The following NFRKB variants were observed in gnomAD, a reference collection of about 807,000 sequenced individuals.
The protein encoded by NFRKB is nuclear factor related to kappa-B-binding protein.
In NFRKB, 62 loss-of-function variants were observed where a neutral mutation model predicts 135.7. That is an observed-to-expected ratio of 0.46 (90% CI 0.37 to 0.56). The LOEUF is 0.56. Ranked by LOEUF, NFRKB falls within the 20% of genes least tolerant of loss-of-function variation. The pLI, the probability that NFRKB is intolerant of heterozygous loss-of-function variation, is 0.00. For missense variants in NFRKB, 1,545 were observed against 1,662.0 expected (o/e 0.93, Z 1.22); for synonymous variants, 678 against 635.6 (o/e 1.07, Z -1.00).
intron 22 of NFRKB, 110 bp from the exon 23 acceptor site, chr11:129,873,206 T>A: frequency 1.1e-6 from 1 of 910,664 alleles, no homozygotes; most frequent in Non-Finnish European, 1.6e-6. Context: ...AAAGAGCTTC[T>A]AATCCCACAG....
chr11:129,873,722 A>G (rs775383270), intron 22 of NFRKB, 23 bp downstream of exon 22: 20 of 1,604,128 alleles, frequency 1.2e-5, no homozygotes, highest in Middle Eastern at 1.7e-4. Flanking sequence ...CTGCTTCCCA[A>G]TGACCACGGC....
chr11:129,869,888 G>C lies in NFRKB; in HGVS notation c.3137C>G (p.Pro1046Arg). The change falls in exon 24 of 27, where the codon CCT (proline) becomes CGT (arginine). Residue 1046 changes from proline (P) to arginine (R), a missense_variant. This residue lies in a region of NFRKB where 753 missense variants were observed against 804.3 expected (regional missense o/e 0.94). Coordinates refer to ENST00000682444, the MANE Select transcript of NFRKB (RefSeq NM_001143835.2). ...PTGTTVVKVT[P>R]DLKPTEASSS... The stretch of plus-strand genomic sequence containing the variant: ...TGAGGCTTCTGTTGGCTTGAGGTCA[G>C]GAGTCACTTTGACCACAGTGGTACC... 1 of 1,614,276 alleles carries C rather than the reference G, an allele frequency of 6.2e-7. No individual in the cohort carries two copies. The highest frequency in any genetic ancestry group is 8.5e-7 in the Non-Finnish European group (1 of 1,180,050).
Position 129,882,271 on chromosome 11 carries a change from C to T in NFRKB, c.1083-77G>A. ...AGATTGATTCAGGCGCCCAAGCCTC[C>T]TAGCAGTCATAAAAGAGTTCAAGAA... is the stretch of plus-strand genomic sequence containing the variant. On this transcript the variant is annotated intron_variant, in intron 10 of 26. Transcript: ENST00000682444. The T allele has an allele frequency of 2.1e-6, 3 of 1,400,082 alleles. No homozygotes were observed. In the Admixed American group the frequency reaches 6.7e-5, roughly 31 times the overall value. 86.7% of individuals were successfully genotyped at this position (1,400,082 alleles called of 1,614,324 possible).
intron 13 of NFRKB, among the ~76,000 whole-genome samples, chr11:129,880,144 C>T (rs762507494): frequency 1.5e-4 from 23 of 151,552 alleles, no homozygotes; most frequent in Non-Finnish European, 3.2e-4. Context: ...GAGCCAAGAT[C>T]GTGCCACTGT....
Position 129,864,950 on chromosome 11 carries a change from T to C in NFRKB, c.3774+16A>G. 7 of 1,612,260 alleles carry C rather than the reference T, an allele frequency of 4.3e-6. No individual in the cohort carries two copies. Among genetic ancestry groups the C allele is most frequent in the Non-Finnish European group, 5.9e-6 (7 of 1,178,620 alleles). ...AGAGGAGCCGGATATGGCCAAGAAT[T>C]TGCCCTGGGCCTTACCTGTGTGGCC... On this transcript the variant is annotated intron_variant, in intron 26 of 26. Transcript: ENST00000682444.
rs1378638116 is a variant in NFRKB at position 129,863,794 on chromosome 11, A to T, written c.*931T>A. The T allele has an allele frequency of 6.6e-6, 1 of 152,192 alleles. No individual in the cohort carries two copies. The highest frequency in any genetic ancestry group is 2.4e-5 in the African/African-American group (1 of 41,424). The allele number at this position is 152,192 out of a possible 1,614,324, so 9.4% of individuals were successfully genotyped here. A position where few individuals can be genotyped will look rare whatever the true frequency, so the allele number is the denominator to read the frequency against. ...TTGGTCTGGGCTGTGTTCCAATAAAACTTTATTTACAAAAACAAATGGCCA... is the reference window on the plus strand; with the variant it reads ...TTGGTCTGGGCTGTGTTCCAATAAATCTTTATTTACAAAAACAAATGGCCA... On this transcript the variant is annotated 3_prime_UTR_variant, in exon 27 of 27. Coordinates refer to ENST00000682444, the MANE Select transcript of NFRKB (RefSeq NM_001143835.2).
chr11:129,878,285 CCA>C (rs775315880), intron 15 of NFRKB, 22 bp downstream of exon 15: 6 of 1,611,708 alleles, frequency 3.7e-6, no homozygotes, highest in Non-Finnish European at 5.1e-6. Flanking sequence ...AGGACACCAC[CCA>C]CCACTACAGT....
chr11:129,888,287 T>C, intron 4 of NFRKB: 1 of 592,520 alleles, frequency 1.7e-6, no homozygotes, highest in Non-Finnish European at 3.0e-6. Flanking sequence ...TTTAAAATTT[T>C]TTAAAGACCA....
rs117050386 is a variant in NFRKB, at chr11:129,885,628, G to A, written c.466-19C>T. 1.4e-5 allele frequency: 22 copies of A among 1,589,606 alleles called. No homozygotes were observed. In the African/African-American group the frequency reaches 2.6e-4, roughly 18 times the overall value. ...GCAGATCCTAGGTAGAGATCAGGTG[G>A]GGGTACAAGTCATCATCCAAGACCT... On this transcript the variant is annotated intron_variant, in intron 5 of 26. Transcript: ENST00000682444.
chr11:129,878,091 T>TA (rs2135654827), intron 15 of NFRKB, among the ~76,000 whole-genome samples: 1 of 152,264 alleles, frequency 6.6e-6, no homozygotes, highest in African/African-American at 2.4e-5. Context: ...ATATGCCCCT[T>TA]AGAGGCTCTC....
At chr11:129,885,187 C>T (rs969021386) in intron 6 of NFRKB, among the ~76,000 whole-genome samples, 10 of 152,104 alleles carry the variant, frequency 6.6e-5, no homozygotes, top group Non-Finnish European at 1.5e-4. Flanking sequence ...GTCTGGCGGG[C>T]TCTCATCTAA....
In NFRKB at chr11:129,869,689, C is replaced by G; in HGVS notation, c.3336G>C (p.Lys1112Asn). ...GQTITVATHA[K>N]QGASVASGSG... ...ACCCACTGGCCACCGAGGCCCCTTG[C>G]TTGGCGTGGGTTGCAACGGTGATGG... Residue 1112 changes from lysine (K) to asparagine (N), a missense_variant, in exon 24 of 27, where the codon AAG becomes AAC. Lys to Asn is a moderately conservative substitution (Grantham distance 94). Around this residue, in one of 3 missense-constraint regions of NFRKB, gnomAD observed 753 missense variants for 804.3 expected, o/e 0.94. Transcript: ENST00000682444. 1 of 1,614,252 alleles carries G rather than the reference C, an allele frequency of 6.2e-7. No homozygotes were observed. The highest frequency in any genetic ancestry group is 8.5e-7 in the Non-Finnish European group (1 of 1,180,042).
At position 129,881,729 on chromosome 11, in the gene NFRKB, C is replaced by T. The variant is rs1416358360; in HGVS notation, c.1316G>A (p.Arg439Gln). 8 of 1,613,884 alleles carry T rather than the reference C, an allele frequency of 5.0e-6. No individual in the cohort carries two copies. Among genetic ancestry groups the T allele is most frequent in the South Asian group, 1.1e-5 (1 of 91,050 alleles). ...PALQYLAGES[R>Q]AVPSSFSPFV... is the part of the protein sequence containing the mutation. ...CCCTACAAAAAAGAGCATCTTACCTCGACTTTCTCCAGCAAGATACTGCAG... is the reference window on the plus strand; with the variant it reads ...CCCTACAAAAAAGAGCATCTTACCTTGACTTTCTCCAGCAAGATACTGCAG... The change falls in exon 12 of 27, where the codon CGA (arginine) becomes CAA (glutamine). Residue 439 changes from arginine to glutamine, a missense_variant and splice_region_variant. By Grantham distance (43) the Arg-to-Gln change is conservative. Coordinates refer to ENST00000682444, the MANE Select transcript of NFRKB (RefSeq NM_001143835.2).
intron 6 of NFRKB, 158 bp from the exon 7 acceptor site, chr11:129,885,004 C>T (rs1226810677): frequency 6.8e-6 from 7 of 1,036,442 alleles, no homozygotes; most frequent in Non-Finnish European, 8.4e-6. Context: ...AGCTGGAGCA[C>T]ACTTAGGTCA....
Position 129,876,836 on chromosome 11 carries a change from C to T in NFRKB, c.1632G>A (p.Glu544=), listed in dbSNP as rs780228730. The T allele has an allele frequency of 1.2e-6, 2 of 1,614,182 alleles. No individual in the cohort carries two copies. Among genetic ancestry groups the T allele is most frequent in the Non-Finnish European group, 1.7e-6 (2 of 1,180,034 alleles). ...KAFTFRMHGF[E]SVVGPVKGVF... is the part of the protein sequence containing the mutation. Reference sequence around the variant, plus strand: ...CGCCCTTCACTGGCCCCACCACAGACTCAAAGCCGTGCATGCGAAAGGTGA... The same window carrying T: ...CGCCCTTCACTGGCCCCACCACAGATTCAAAGCCGTGCATGCGAAAGGTGA... The change falls in exon 17 of 27, where the codon GAG becomes GAA. Residue 544 remains glutamate, a synonymous_variant. Transcript: ENST00000682444.
In NFRKB at chr11:129,869,641, C is replaced by T. The variant is rs781218328; in HGVS notation, c.3384G>A (p.Ala1128=). The stretch of plus-strand genomic sequence containing the variant: ...CAGCATTCATACTGGGTAAGGACAC[C>T]GCTGAAGTATGGACAGTTCCAGACC... ...ASGSGTVHTS[A]VSLPSMNAAV... Residue 1128 remains alanine, a synonymous_variant, in exon 24 of 27, where the codon GCG becomes GCA. Transcript: ENST00000682444. 78 of 1,614,176 alleles carry T rather than the reference C, an allele frequency of 4.8e-5. No homozygotes were observed. The highest frequency in any genetic ancestry group is 9.9e-5 in the South Asian group (9 of 91,088).
intron 24 of NFRKB, among the ~76,000 whole-genome samples, 171 bp downstream of exon 24, chr11:129,869,323 C>T (rs193143913): frequency 0.029 from 4,383 of 152,234 alleles, 200 homozygotes; most frequent in African/African-American, 0.1. Context: ...CAGACAAAAG[C>T]CTATCAGTAA....
intron 8 of NFRKB, 73 bp downstream of exon 8, chr11:129,883,997 T>C: frequency 6.8e-7 from 1 of 1,478,478 alleles, no homozygotes; most frequent in Admixed American, 1.7e-5. Context: ...TGATGCCCCG[T>C]GTCTTCCTCA....
intron 3 of NFRKB, among the ~76,000 whole-genome samples, chr11:129,892,020 A>G (rs545550318): frequency 1.8e-4 from 28 of 151,578 alleles, no homozygotes; most frequent in Non-Finnish European, 3.8e-4. Context: ...GTTTCTTCAT[A>G]TTTGTTTTCC....
Sources: gnomAD v4.1 joint callset for allele counts (sites outside exome capture counted in the v4.1 genomes callset) on GRCh38, gnomAD v4.1.1 for gene constraint, gnomAD v4.1.1 regional missense constraint, MANE v1.5 for transcripts, NCBI Gene and HGNC (gene_info 2026-07-23, HGNC 2026-07-21) for gene names.